Variants in MSH3 observed in about 807,000 individuals in gnomAD.
The protein encoded by MSH3 is DNA mismatch repair protein Msh3.
A neutral mutation model predicts 123.3 loss-of-function variants in MSH3; 106 were observed. The observed-to-expected ratio is 0.86, with a 90% CI of 0.73 to 1.01. The LOEUF (loss-of-function observed/expected upper bound fraction) is 1.01. MSH3 is among the 50% of genes least tolerant of loss of function. The probability of loss-of-function intolerance (pLI) is 0.00; values close to 1 mark genes in which losing one functional copy is unlikely to be tolerated. For missense variants in MSH3, 1,459 were observed against 1,347.6 expected, an observed-to-expected ratio of 1.08 and a Z score of -1.29; for synonymous variants, 515 against 481.4, an observed-to-expected ratio of 1.07 and a Z score of -0.91.
At chr5:80,732,809 G>A (rs934111976) in intron 10 of MSH3, among the ~76,000 whole-genome samples, 2 of 152,106 alleles carry the variant, frequency 1.3e-5, no homozygotes, top group African/African-American at 4.8e-5. Context: ...GAAAAACTCT[G>A]CATAAGATTC....
chr5:80,775,943 G>A (rs1232551453), intron 16 of MSH3, among the ~76,000 whole-genome samples, 185 bp downstream of exon 16: 1 of 151,540 alleles, frequency 6.6e-6, no homozygotes, highest in Non-Finnish European at 1.5e-5. Flanking sequence ...AGGCTGGAGT[G>A]TAGTGGTATG....
rs201653411 is a variant in MSH3, at chr5:80,725,362, CT to C, written c.1341-81del. The C allele has an allele frequency of 1.6e-3, 1,213 of 735,796 alleles. 1 individual carries two copies. Among genetic ancestry groups the C allele is most frequent in the Non-Finnish European group, 1.8e-3 (815 of 441,420 alleles). 45.6% of individuals were successfully genotyped at this position (735,796 alleles called of 1,614,324 possible). On this transcript the variant is annotated intron_variant, in intron 8 of 23. Coordinates refer to ENST00000265081, the MANE Select transcript of MSH3 (RefSeq NM_002439.5). Reference sequence around the variant, plus strand: ...GAAAGAATAAGGAATAAATCTTTATCTTTTTTTTTTCCTCTTCTGGCCAAGA... The same window carrying C: ...GAAAGAATAAGGAATAAATCTTTATCTTTTTTTTTCCTCTTCTGGCCAAGA...
In MSH3 at chr5:80,840,768, C is replaced by T. The variant is rs187874811; in HGVS notation, c.2814-13362C>T. Among the ~76,000 whole-genome samples the T allele has an allele frequency of 6.3e-3, 951 of 152,060 alleles. 7 individuals carry two copies. The highest frequency in any genetic ancestry group is 0.05 in the South Asian group (240 of 4,784). On this transcript the variant is annotated intron_variant, in intron 20 of 23. Coordinates refer to ENST00000265081, the MANE Select transcript of MSH3 (RefSeq NM_002439.5). ...CCAGCCCCCTACCCCTAACAGGCCC[C>T]GGTGTGTGATGTTCCCCGCCCTGTG...
intron 20 of MSH3, among the ~76,000 whole-genome samples, chr5:80,816,406 G>A (rs1033173046): frequency 1.3e-5 from 2 of 152,190 alleles, no homozygotes; most frequent in Admixed American, 6.5e-5. Flanking sequence ...GAGAGAGCAT[G>A]TGCAAAAGTC....
chr5:80,729,429 A>ATGTGTGTGTGTGT (rs1561458052), intron 10 of MSH3, among the ~76,000 whole-genome samples: 92 of 62,690 alleles, frequency 1.5e-3, no homozygotes, highest in African/African-American at 5.8e-3. Context: ...AAAAAAAAAA[A>ATGTGTGTGTGTGT]ATGTGTGTGT....
In MSH3 at chr5:80,672,268, T is replaced by C. The variant is rs186924833; in HGVS notation, c.817T>C (p.Tyr273His). The change falls in exon 5 of 24, where the codon TAT (tyrosine) becomes CAT (histidine). Residue 273 changes from tyrosine (Y) to histidine (H), a missense_variant. Tyr to His is a moderately conservative substitution (Grantham distance 83, BLOSUM62 2). Transcript: ENST00000265081. ...AEIAARELNIYCHLDHNFMTA... is the reference protein window; with the variant it reads ...AEIAARELNIHCHLDHNFMTA... ...GATTGCAGCCCGAGAGCTCAATATT[T>C]ATTGCCATTTAGATCACAACTTTAT... 3.1e-6 allele frequency: 5 copies of C among 1,613,762 alleles called. No individual in the cohort carries two copies. The African/African-American group carries it at 6.7e-5, about 21-fold the overall frequency.
At chr5:80,835,999 T>C (rs1362452757) in intron 20 of MSH3, among the ~76,000 whole-genome samples, 3 of 152,260 alleles carry the variant, frequency 2.0e-5, no homozygotes, top group Middle Eastern at 6.8e-3. Context: ...TAATAAGCTT[T>C]CCATGAAAAC....
chr5:80,832,497 C>T (rs541837336), intron 20 of MSH3, among the ~76,000 whole-genome samples: 4 of 151,846 alleles, frequency 2.6e-5, no homozygotes, highest in Non-Finnish European at 4.4e-5. Context: ...TGCAAGCCTG[C>T]AATCCTAGCT....
intron 15 of MSH3, 108 bp downstream of exon 15, chr5:80,769,111 T>G: frequency 9.7e-7 from 1 of 1,032,868 alleles, no homozygotes; most frequent in Non-Finnish European, 1.4e-6. Flanking sequence ...CTTTTCAAAT[T>G]TTCTGTTTTA....
intron 17 of MSH3, among the ~76,000 whole-genome samples, chr5:80,783,936 G>A (rs1489559107): frequency 6.6e-6 from 1 of 152,072 alleles, no homozygotes; most frequent in African/African-American, 2.4e-5. Flanking sequence ...CATGGCTGAC[G>A]CAGTGGCTCA....
At chr5:80,763,407 T>C (rs924671070) in intron 13 of MSH3, among the ~76,000 whole-genome samples, 8 of 152,222 alleles carry the variant, frequency 5.3e-5, no homozygotes, top group African/African-American at 1.9e-4. Context: ...GCATCATTAT[T>C]GGGTACACCA....
intron 22 of MSH3, among the ~76,000 whole-genome samples, chr5:80,870,459 C>T (rs1746194166): frequency 6.6e-6 from 1 of 152,150 alleles, no homozygotes. Context: ...TCACTTCACT[C>T]TTAGTCTTGT....
Position 80,715,750 on chromosome 5 carries a change from G to C in MSH3, c.1341-9703G>C, listed in dbSNP as rs1227091850. On this transcript the variant is annotated intron_variant, in intron 8 of 23. Coordinates refer to ENST00000265081, the MANE Select transcript of MSH3 (RefSeq NM_002439.5). ...GGCTGGAGCAGGAGGAAGAGAGAGGGGGAGGTGCCATACACTTTCAAACAA... is the reference window on the plus strand; with the variant it reads ...GGCTGGAGCAGGAGGAAGAGAGAGGCGGAGGTGCCATACACTTTCAAACAA... 4.6e-5 allele frequency among the ~76,000 whole-genome samples: 7 copies of C among 152,146 alleles called. No individual in the cohort carries two copies. In the South Asian group the frequency reaches 1.5e-3, roughly 32 times the overall value.
chr5:80,692,427 G>T (rs868797972), intron 8 of MSH3, among the ~76,000 whole-genome samples: 1 of 38,508 alleles, frequency 2.6e-5, no homozygotes, highest in Non-Finnish European at 4.2e-5. Flanking sequence ...TATATGTTTA[G>T]ATAGATAAAC....
At chr5:80,701,441 T>A (rs1297195680) in intron 8 of MSH3, among the ~76,000 whole-genome samples, 1 of 152,236 alleles carries the variant, frequency 6.6e-6, no homozygotes, top group Non-Finnish European at 1.5e-5. Flanking sequence ...TAACCCTGTT[T>A]GATACTGGTG....
chr5:80,875,671 A>G, intron 23 of MSH3, 80 bp from the exon 24 acceptor site: 1 of 830,260 alleles, frequency 1.2e-6, no homozygotes, highest in Middle Eastern at 2.6e-4. Flanking sequence ...AGTGTTATAG[A>G]CTTTTCATAG....
In MSH3 at chr5:80,839,732, A is replaced by G. The variant is rs528728970; in HGVS notation, c.2814-14398A>G. ...AGCCTTCTATATATATTTTTTGCAC[A>G]TGTAGTTTTTAATATAAAAAGTGAC... On this transcript the variant is annotated intron_variant, in intron 20 of 23. Transcript: ENST00000265081. 1.4e-4 allele frequency among the ~76,000 whole-genome samples: 22 copies of G among 152,328 alleles called. No homozygotes were observed. In the South Asian group the frequency reaches 4.3e-3, roughly 30 times the overall value.
At chr5:80,760,356 A>G (rs531379619) in intron 12 of MSH3, among the ~76,000 whole-genome samples, 155 of 152,358 alleles carry the variant, frequency 1.0e-3, no homozygotes, top group African/African-American at 3.7e-3. Flanking sequence ...TTCATGGACC[A>G]CATCTCATTG....
chr5:80,796,248 A>G (rs1343699010), intron 19 of MSH3, among the ~76,000 whole-genome samples: 1 of 152,070 alleles, frequency 6.6e-6, no homozygotes, highest in Non-Finnish European at 1.5e-5. Context: ...CGTATGTTAC[A>G]CTTTAATAAA....
Sources: gnomAD v4.1 joint callset for allele counts (sites outside exome capture counted in the v4.1 genomes callset) on GRCh38, gnomAD v4.1.1 for gene constraint, MANE v1.5 for transcripts, NCBI Gene and HGNC (gene_info 2026-07-23, HGNC 2026-07-21) for gene names.